OXCT1: variants seen among roughly 807,000 people sequenced by gnomAD.
OXCT1 encodes the protein succinyl-CoA:3-ketoacid coenzyme A transferase 1, mitochondrial.
Under a neutral mutation model 69.6 loss-of-function variants are expected in OXCT1, and 27 were observed. The ratio of observed to expected loss-of-function variants is 0.39; its 90% CI spans 0.29 to 0.54. The LOEUF (loss-of-function observed/expected upper bound fraction) is 0.54. Among genes scored for constraint, OXCT1 ranks in the 20% least tolerant of loss-of-function variants. The probability of loss-of-function intolerance (pLI) is 0.72; values close to 1 mark genes in which losing one functional copy is unlikely to be tolerated. For synonymous variants in OXCT1, 202 were observed against 217.8 expected, an observed-to-expected ratio of 0.93 and a Z score of 0.64; for missense variants, 437 against 650.2, an observed-to-expected ratio of 0.67 and a Z score of 3.57.
At chr5:41,836,991 T>C (rs1748396367) in intron 7 of OXCT1, among the ~76,000 whole-genome samples, 1 of 152,206 alleles carries the variant, frequency 6.6e-6, no homozygotes, top group South Asian at 2.1e-4. Context: ...TACTTCTTGA[T>C]GTAAAACATT....
At chr5:41,840,783 C>CA (rs1174206094) in intron 6 of OXCT1, among the ~76,000 whole-genome samples, 3 of 151,700 alleles carry the variant, frequency 2.0e-5, no homozygotes, top group Admixed American at 2.0e-4. Flanking sequence ...ATAGCTACAA[C>CA]AAAAAAAGGA....
intron 4 of OXCT1, 149 bp from the exon 5 acceptor site, chr5:41,850,328 A>G (rs1376458064): frequency 3.5e-6 from 3 of 859,006 alleles, no homozygotes; most frequent in Admixed American, 2.2e-5. Flanking sequence ...CTAATATTGT[A>G]TGCTAGAAGA....
chr5:41,809,779 A>C (rs963825395), intron 7 of OXCT1, among the ~76,000 whole-genome samples: 1 of 152,088 alleles, frequency 6.6e-6, no homozygotes, highest in Admixed American at 6.6e-5. Context: ...ACCAAGGACA[A>C]TTATATCATA....
In OXCT1 at chr5:41,781,571, A is replaced by G. The variant is rs184815448; in HGVS notation, c.1248+12432T>C. On this transcript the variant is annotated intron_variant, in intron 13 of 16. Coordinates refer to ENST00000196371, the MANE Select transcript of OXCT1 (RefSeq NM_000436.4). ...ATCCCATCACCTAGGTATTAAGCCC[A>G]GCATCCATCAGCTATTCTTCCTGAT... Among the ~76,000 whole-genome samples the G allele has an allele frequency of 1.4e-3, 210 of 152,186 alleles. 1 individual carries two copies. Among genetic ancestry groups the G allele is most frequent in the African/African-American group, 4.9e-3 (204 of 41,524 alleles).
chr5:41,830,281 T>C (rs912504435), intron 7 of OXCT1, among the ~76,000 whole-genome samples: 1 of 152,200 alleles, frequency 6.6e-6, no homozygotes, highest in Non-Finnish European at 1.5e-5. Context: ...GGACTAAGGA[T>C]TCTTCAGAAA....
chr5:41,836,874 C>A (rs1748389492), intron 7 of OXCT1, among the ~76,000 whole-genome samples: 1 of 152,110 alleles, frequency 6.6e-6, no homozygotes, highest in South Asian at 2.1e-4. Context: ...CATCTGAAAA[C>A]AAAACTTTGC....
At chr5:41,869,823 T>TCTAGAGGTTCCTCTGCCC (rs1750196666) in intron 1 of OXCT1, among the ~76,000 whole-genome samples, 1 of 152,116 alleles carries the variant, frequency 6.6e-6, no homozygotes, top group African/African-American at 2.4e-5. Context: ...GTTCTGGGCC[T>TCTAGAGGTTCCTCTGCCC]CTAGAGGTTC....
At chr5:41,869,534 A>G (rs1750176833) in intron 1 of OXCT1, among the ~76,000 whole-genome samples, 1 of 152,186 alleles carries the variant, frequency 6.6e-6, no homozygotes, top group African/African-American at 2.4e-5. Flanking sequence ...AGTGGGGCAC[A>G]AAAAGGATTT....
intron 7 of OXCT1, among the ~76,000 whole-genome samples, chr5:41,820,727 A>G (rs926595752): frequency 6.6e-6 from 1 of 152,116 alleles, no homozygotes; most frequent in Non-Finnish European, 1.5e-5. Flanking sequence ...GTGTCTCCCC[A>G]TCCCATTATG....
chr5:41,744,941 C>G, intron 15 of OXCT1, among the ~76,000 whole-genome samples: 1 of 152,118 alleles, frequency 6.6e-6, no homozygotes, highest in East Asian at 1.9e-4. Context: ...GAGACTTAGA[C>G]TGCCACACAA....
intron 10 of OXCT1, 98 bp from the exon 11 acceptor site, chr5:41,801,168 AT>A: frequency 1.0e-6 from 1 of 961,152 alleles, no homozygotes; most frequent in Non-Finnish European, 1.7e-6. Flanking sequence ...AACCCTATAA[AT>A]TTATCATCCG....
chr5:41,853,919 A>C (rs1483554658), intron 3 of OXCT1, among the ~76,000 whole-genome samples: 2 of 152,170 alleles, frequency 1.3e-5, no homozygotes, highest in Non-Finnish European at 2.9e-5. Context: ...GTTAGAAGAT[A>C]AGCAAAGAGA....
At chr5:41,753,270 T>TACACACAC (rs36095905) in intron 14 of OXCT1, among the ~76,000 whole-genome samples, 1 of 148,680 alleles carries the variant, frequency 6.7e-6, no homozygotes, top group African/African-American at 2.5e-5. Flanking sequence ...GTGGCTGCAA[T>TACACACAC]ACACACACAC....
chr5:41,851,875 G>T (rs944245184), intron 4 of OXCT1, among the ~76,000 whole-genome samples: 1 of 152,096 alleles, frequency 6.6e-6, no homozygotes, highest in Non-Finnish European at 1.5e-5. Context: ...GCTATGGACC[G>T]AACTGTGTTC....
Position 41,789,907 on chromosome 5 carries a change from G to T in OXCT1, c.1248+4096C>A, listed in dbSNP as rs116404961. On this transcript the variant is annotated intron_variant, in intron 13 of 16. Transcript: ENST00000196371. ...TGTAGTTTTATAACCAGGAATACTAGTGACTTAACTTATTTAAAACAGGTA... is the reference window on the plus strand; with the variant it reads ...TGTAGTTTTATAACCAGGAATACTATTGACTTAACTTATTTAAAACAGGTA... Among the ~76,000 whole-genome samples, 1,275 of 152,272 alleles carry T rather than the reference G, an allele frequency of 8.4e-3. 21 individuals are homozygous for T. Among genetic ancestry groups the T allele is most frequent in the African/African-American group, 0.029 (1,222 of 41,540 alleles).
intron 15 of OXCT1, 132 bp downstream of exon 15, chr5:41,749,395 G>A: frequency 1.6e-6 from 1 of 632,238 alleles, no homozygotes; most frequent in South Asian, 1.8e-5. Flanking sequence ...AAATTGATGA[G>A]CTTTCCTATT....
rs1008818247 is a variant in OXCT1 at position 41,731,774 on chromosome 5, G to A, written c.1522-4C>T. 4 of 1,608,266 alleles carry A rather than the reference G, an allele frequency of 2.5e-6. No homozygotes were observed. In the Admixed American group the frequency reaches 6.7e-5, roughly 27 times the overall value. On this transcript the variant is annotated splice_polypyrimidine_tract_variant and splice_region_variant and intron_variant, in intron 16 of 16. Coordinates refer to ENST00000196371, the MANE Select transcript of OXCT1 (RefSeq NM_000436.4). ...TTGGCATGAGTTTTGGTGAAACCTG[G>A]TAAAAGAGGAAAAAAAAATCAAATT... is the stretch of plus-strand genomic sequence containing the variant.
At chr5:41,860,915 G>A (rs928892128) in intron 3 of OXCT1, among the ~76,000 whole-genome samples, 1 of 151,866 alleles carries the variant, frequency 6.6e-6, no homozygotes, top group Non-Finnish European at 1.5e-5. Flanking sequence ...GCTTTAAACA[G>A]ATTTCAAATT....
At chr5:41,775,502 A>G (rs1485320749) in intron 13 of OXCT1, among the ~76,000 whole-genome samples, 1 of 152,232 alleles carries the variant, frequency 6.6e-6, no homozygotes, top group African/African-American at 2.4e-5. Flanking sequence ...CCACTCTCCC[A>G]GAGCCCTGAT....
Sources: allele counts gnomAD v4.1 joint callset (sites outside exome capture counted in the v4.1 genomes callset), GRCh38; gene constraint gnomAD v4.1.1; transcripts MANE v1.5; gene names NCBI Gene and HGNC (gene_info 2026-07-23, HGNC 2026-07-21).